The following MCTP1 variants were observed in gnomAD, a reference collection of about 807,000 sequenced individuals.
MCTP1 encodes multiple C2 and transmembrane domain containing 1, also known as multiple C2 and transmembrane domain-containing protein 1.
In MCTP1, 69 loss-of-function variants were observed where a neutral mutation model predicts 120.6. The observed-to-expected ratio is 0.57, with a 90% CI of 0.47 to 0.70. The LOEUF (loss-of-function observed/expected upper bound fraction) is 0.70, where lower values mean the gene tolerates loss of function less well. Ranked by LOEUF, MCTP1 falls within the 30% of genes least tolerant of loss-of-function variation. MCTP1 has a pLI of 0.00. For missense variants in MCTP1, 1,203 were observed against 1,248.8 expected, an observed-to-expected ratio of 0.96 and a Z score of 0.55; for synonymous variants, 529 against 493.1, an observed-to-expected ratio of 1.07 and a Z score of -0.96.
At chr5:95,040,470 AAAG>A (rs1842155950) in intron 1 of MCTP1, among the ~76,000 whole-genome samples, 2 of 152,044 alleles carry the variant, frequency 1.3e-5, no homozygotes, top group African/African-American at 4.8e-5. Flanking sequence ...AAGAAATTTT[AAAG>A]AAGATTTTTT....
chr5:94,819,079 A>ATTTC (rs1446224629), intron 17 of MCTP1, among the ~76,000 whole-genome samples: 1 of 41,134 alleles, frequency 2.4e-5, no homozygotes, highest in Non-Finnish European at 4.8e-5. Context: ...ACTACTTCAA[A>ATTTC]TTTATTTATT....
chr5:94,786,535 T>C lies in MCTP1; in HGVS notation c.2557-7372A>G, dbSNP rs575962178. ...GTGAATTGTAGCATAAAAGCCTGAA[T>C]GAAAAGAATGTTCACGAAACTTCAC... On this transcript the variant is annotated intron_variant, in intron 18 of 22. Coordinates refer to ENST00000515393, the MANE Select transcript of MCTP1 (RefSeq NM_024717.7). Among the ~76,000 whole-genome samples, 4 of 152,152 alleles carry C rather than the reference T, an allele frequency of 2.6e-5. No individual in the cohort carries two copies. The South Asian group carries it at 6.2e-4, about 24-fold the overall frequency.
chr5:95,262,269 A>G (rs1213866412), intron 1 of MCTP1, among the ~76,000 whole-genome samples: 1 of 152,190 alleles, frequency 6.6e-6, no homozygotes, highest in African/African-American at 2.4e-5. Context: ...TTTTTTGATC[A>G]CAGGATCACA....
intron 2 of MCTP1, among the ~76,000 whole-genome samples, chr5:94,972,984 T>C (rs1002319202): frequency 2.0e-5 from 3 of 152,042 alleles, no homozygotes; most frequent in African/African-American, 4.8e-5. Flanking sequence ...CTTTCTTGAG[T>C]ATCTACTGTG....
At chr5:94,983,403 A>C (rs1484160437) in intron 2 of MCTP1, among the ~76,000 whole-genome samples, 1 of 152,210 alleles carries the variant, frequency 6.6e-6, no homozygotes, top group Non-Finnish European at 1.5e-5. Flanking sequence ...TAGAGGAATA[A>C]AAAAGTAGCT....
chr5:94,903,137 C>T (rs1324877072), intron 10 of MCTP1, among the ~76,000 whole-genome samples: 2 of 141,334 alleles, frequency 1.4e-5, no homozygotes, highest in African/African-American at 2.8e-5. Context: ...AACTATTTCA[C>T]TCAATCATTA....
intron 18 of MCTP1, among the ~76,000 whole-genome samples, chr5:94,785,366 G>A (rs1019513044): frequency 5.3e-5 from 8 of 151,962 alleles, no homozygotes; most frequent in Non-Finnish European, 8.8e-5. Context: ...TCTAATCTTG[G>A]TGTCTTTAGG....
chr5:94,793,470 C>T (rs748751780), intron 18 of MCTP1: 1 of 152,108 alleles, frequency 6.6e-6, no homozygotes, highest in Non-Finnish European at 1.5e-5. Context: ...AAAGAGTGAT[C>T]ATCCATTTTT....
chr5:94,889,471 T>A (rs1280346994), intron 11 of MCTP1, among the ~76,000 whole-genome samples: 1 of 151,928 alleles, frequency 6.6e-6, no homozygotes, highest in African/African-American at 2.4e-5. Flanking sequence ...GCACCTGTAA[T>A]CCCAGCTACT....
At chr5:95,215,215 A>G (rs1241126580) in intron 1 of MCTP1, among the ~76,000 whole-genome samples, 1 of 152,190 alleles carries the variant, frequency 6.6e-6, no homozygotes, top group Non-Finnish European at 1.5e-5. Flanking sequence ...CCCATTTTCA[A>G]GTCTCATCTC....
chr5:95,184,449 T>C (rs1159401547), intron 1 of MCTP1, among the ~76,000 whole-genome samples: 1 of 152,132 alleles, frequency 6.6e-6, no homozygotes, highest in Admixed American at 6.5e-5. Context: ...ATTATGACAG[T>C]GAAAGAAATC....
At chr5:94,713,614 T>C (rs926432985) in intron 20 of MCTP1, among the ~76,000 whole-genome samples, 2 of 152,056 alleles carry the variant, frequency 1.3e-5, no homozygotes, top group Non-Finnish European at 2.9e-5. Context: ...GGAGGACAGG[T>C]AAACATTCTT....
rs1331410806 is a variant in MCTP1, at chr5:95,284,266, G to A, written c.310C>T (p.Pro104Ser). The change falls in exon 1 of 23, where the codon CCG becomes TCG. Residue 104 changes from proline (P) to serine (S), a missense_variant. Physicochemically the swap from Pro to Ser is moderately conservative, Grantham distance 74. Around this residue, in one of 2 missense-constraint regions of MCTP1, gnomAD observed 463 missense variants for 377.8 expected, o/e 1.23. Transcript: ENST00000515393. This position sits in a 1 kb window ranked among gnomAD's most constrained non-coding sequence, Gnocchi z 5.2. ...SSQPNLCCSS[P>S]EPLEPGGAGR... The stretch of plus-strand genomic sequence containing the variant: ...GCGCCGCCGGGCTCCAGGGGCTCCG[G>A]CGACGAGCAGCACAGGTTGGGCTGC... 2 of 1,592,482 alleles carry A rather than the reference G, an allele frequency of 1.3e-6. No homozygotes were observed. Among genetic ancestry groups the A allele is most frequent in the Non-Finnish European group, 1.7e-6 (2 of 1,176,608 alleles).
intron 16 of MCTP1, 48 bp downstream of exon 16, chr5:94,870,369 G>T: frequency 1.6e-6 from 2 of 1,250,526 alleles, no homozygotes; most frequent in Non-Finnish European, 2.3e-6. Flanking sequence ...ATGTTTTACA[G>T]ATATAATCAG....
chr5:95,247,227 C>A (rs575351645), intron 1 of MCTP1, among the ~76,000 whole-genome samples: 1 of 152,024 alleles, frequency 6.6e-6, no homozygotes, highest in Non-Finnish European at 1.5e-5. Context: ...TCTGTGGGAT[C>A]GGTGGTGATG....
intron 2 of MCTP1, among the ~76,000 whole-genome samples, chr5:94,960,763 C>G (rs564459861): frequency 1.3e-5 from 2 of 152,254 alleles, no homozygotes; most frequent in South Asian, 4.2e-4. Context: ...ATTAAAAAGT[C>G]AGGAAACAAC....
chr5:95,156,089 C>T (rs1745090612), intron 1 of MCTP1, among the ~76,000 whole-genome samples: 1 of 152,156 alleles, frequency 6.6e-6, no homozygotes, highest in Non-Finnish European at 1.5e-5. Context: ...GACCTGATTC[C>T]TGTCAATGAT....
At chr5:95,170,138 A>T (rs1022398348) in intron 1 of MCTP1, among the ~76,000 whole-genome samples, 24 of 152,326 alleles carry the variant, frequency 1.6e-4, no homozygotes, top group Non-Finnish European at 3.2e-4. Flanking sequence ...TTCAAAGAAC[A>T]TCTTTATTTC....
chr5:94,841,915 G>A (rs1194762316), intron 17 of MCTP1, among the ~76,000 whole-genome samples: 1 of 152,124 alleles, frequency 6.6e-6, no homozygotes, highest in Non-Finnish European at 1.5e-5. Flanking sequence ...ATTCTGTCAG[G>A]ATTAGCTCAG....
Sources: gnomAD v4.1 joint callset for allele counts (sites outside exome capture counted in the v4.1 genomes callset) on GRCh38, gnomAD v4.1.1 for gene constraint, gnomAD v4.1.1 regional missense constraint, Gnocchi (gnomAD v3.1) non-coding constraint, MANE v1.5 for transcripts, NCBI Gene and HGNC (gene_info 2026-07-23, HGNC 2026-07-21) for gene names.